Variants in PRKAR2B observed in about 807,000 individuals in gnomAD.
PRKAR2B encodes cAMP-dependent protein kinase type II-beta regulatory subunit.
In PRKAR2B, 14 loss-of-function variants were observed where a neutral mutation model predicts 49.9. The ratio of observed to expected loss-of-function variants is 0.28; its 90% confidence interval spans 0.19 to 0.44. The LOEUF (loss-of-function observed/expected upper bound fraction) is 0.44, where lower values mean the gene tolerates loss of function less well. Among genes scored for constraint, PRKAR2B ranks in the 20% least tolerant of loss-of-function variants. The probability of loss-of-function intolerance (pLI) is 1.00; values close to 1 mark genes in which losing one functional copy is unlikely to be tolerated. For synonymous variants in PRKAR2B, 196 were observed against 197.7 expected (o/e 0.99, Z 0.07); for missense variants, 393 against 537.9 (o/e 0.73, Z 2.67).
At chr7:107,133,052 GT>G (rs1416211764) in intron 4 of PRKAR2B, among the ~76,000 whole-genome samples, 1 of 152,138 alleles carries the variant, frequency 6.6e-6, no homozygotes. Flanking sequence ...TATTTCTTAA[GT>G]GAGTCAGAGC....
intron 5 of PRKAR2B, among the ~76,000 whole-genome samples, chr7:107,145,695 A>G (rs1201192539): frequency 4.6e-5 from 7 of 151,108 alleles, no homozygotes; most frequent in Non-Finnish European, 1.0e-4. Context: ...CTGGAATTAC[A>G]GATGTAAGTA....
chr7:107,084,491 A>G (rs541964290), intron 2 of PRKAR2B, among the ~76,000 whole-genome samples: 3 of 152,054 alleles, frequency 2.0e-5, no homozygotes, highest in African/African-American at 7.2e-5. Context: ...AAACTTATAC[A>G]TTTTTGGGAG....
chr7:107,086,386 C>T (rs904845989), intron 2 of PRKAR2B, among the ~76,000 whole-genome samples: 1 of 152,030 alleles, frequency 6.6e-6, no homozygotes, highest in African/African-American at 2.4e-5. Flanking sequence ...AAATACTTAA[C>T]CGATTTCTTA....
rs1014236277 is a variant in PRKAR2B, at chr7:107,097,649, A to G, written c.344-24303A>G. The stretch of plus-strand genomic sequence containing the variant: ...GCATGTTTTTGCAGTGGCTGGTACC[A>G]GTTGTTCCTTTCCATGTTTAGTGCT... On this transcript the variant is annotated intron_variant, in intron 2 of 10. Coordinates refer to ENST00000265717, the MANE Select transcript of PRKAR2B (RefSeq NM_002736.3). Among the ~76,000 whole-genome samples, 4 of 152,070 alleles carry G rather than the reference A, an allele frequency of 2.6e-5. No homozygotes were observed. The South Asian group carries it at 6.2e-4, about 24-fold the overall frequency.
At chr7:107,062,221 T>G (rs776358190) in intron 1 of PRKAR2B, among the ~76,000 whole-genome samples, 31 of 152,316 alleles carry the variant, frequency 2.0e-4, no homozygotes, top group Admixed American at 5.9e-4. Context: ...TGTAAACATA[T>G]GCTTTTATTC....
chr7:107,146,518 G>C, intron 6 of PRKAR2B, 57 bp downstream of exon 6: 1 of 1,535,108 alleles, frequency 6.5e-7, no homozygotes, highest in Non-Finnish European at 8.9e-7. Context: ...TGCTATGACG[G>C]TGTTACAAAT....
rs146012107 is a variant in PRKAR2B at position 107,149,934 on chromosome 7, T to C, written c.742-988T>C. ...TCTCTATGATGTGCATATTTCATGT[T>C]GCATGCCTGTATCAGAACATCTCAT... On this transcript the variant is annotated intron_variant, in intron 6 of 10. Transcript: ENST00000265717. Among the ~76,000 whole-genome samples the C allele has an allele frequency of 6.5e-3, 991 of 152,272 alleles. 15 individuals carry two copies. The highest frequency in any genetic ancestry group is 0.022 in the African/African-American group (925 of 41,568).
At chr7:107,135,955 A>G (rs993331394) in intron 4 of PRKAR2B, among the ~76,000 whole-genome samples, 9 of 152,324 alleles carry the variant, frequency 5.9e-5, no homozygotes, top group Middle Eastern at 3.4e-3. Flanking sequence ...ACAATAATCA[A>G]GACAGTATAG....
At chr7:107,096,068 A>C (rs1794830592) in intron 2 of PRKAR2B, among the ~76,000 whole-genome samples, 1 of 152,230 alleles carries the variant, frequency 6.6e-6, no homozygotes, top group Non-Finnish European at 1.5e-5. Flanking sequence ...GAATAGTTTC[A>C]GAAGGAATGG....
At chr7:107,148,912 T>A (rs1795939102) in intron 6 of PRKAR2B, among the ~76,000 whole-genome samples, 1 of 152,202 alleles carries the variant, frequency 6.6e-6, no homozygotes, top group Non-Finnish European at 1.5e-5. Context: ...TATGTCACAG[T>A]GGGTGTGAAG....
At chr7:107,124,306 C>A (rs1795445043) in intron 3 of PRKAR2B, among the ~76,000 whole-genome samples, 1 of 152,168 alleles carries the variant, frequency 6.6e-6, no homozygotes, top group African/African-American at 2.4e-5. Flanking sequence ...TGTTTCTCCA[C>A]AAAAATTTTT....
intron 6 of PRKAR2B, among the ~76,000 whole-genome samples, chr7:107,149,111 C>T (rs1302682257): frequency 6.6e-6 from 1 of 152,128 alleles, no homozygotes; most frequent in Non-Finnish European, 1.5e-5. Flanking sequence ...TTATTGAGCC[C>T]TACATGCAGA....
In PRKAR2B at chr7:107,160,898, T is replaced by C. The variant is rs973339738; in HGVS notation, c.*1316T>C. 4 of 152,208 alleles carry C rather than the reference T, an allele frequency of 2.6e-5. No individual in the cohort carries two copies. The highest frequency in any genetic ancestry group is 9.6e-5 in the African/African-American group (4 of 41,456). The allele number at this position is 152,208 out of a possible 1,614,324, so 9.4% of individuals were successfully genotyped here. On this transcript the variant is annotated 3_prime_UTR_variant, in exon 11 of 11. Coordinates refer to ENST00000265717, the MANE Select transcript of PRKAR2B (RefSeq NM_002736.3). ...TATATTCAACCAAAGCAATATACTC[T>C]TACATGATTTCTAGGCCCCATGACC...
rs1468546296 is a variant in PRKAR2B at position 107,098,129 on chromosome 7, C to T, written c.344-23823C>T. 2.0e-5 allele frequency among the ~76,000 whole-genome samples: 3 copies of T among 152,306 alleles called. No individual in the cohort carries two copies. In the East Asian group the frequency reaches 5.8e-4, roughly 29 times the overall value. ...TTTTCCAACTTGGTTCCTTTCTCCC[C>T]GTCACTTTCAGGTACAACAATCAGA... On this transcript the variant is annotated intron_variant, in intron 2 of 10. Transcript: ENST00000265717.
chr7:107,047,899 T>C (rs925600057), intron 1 of PRKAR2B, among the ~76,000 whole-genome samples: 2 of 152,230 alleles, frequency 1.3e-5, no homozygotes, highest in Non-Finnish European at 2.9e-5. Flanking sequence ...CATTCTGATA[T>C]CAATAGTTCC....
intron 2 of PRKAR2B, among the ~76,000 whole-genome samples, chr7:107,107,378 C>A (rs1795092401): frequency 6.6e-6 from 1 of 151,990 alleles, no homozygotes; most frequent in Admixed American, 6.5e-5. Flanking sequence ...CTTGGTTTCC[C>A]AATTTGTATT....
chr7:107,069,948 T>G (rs752950681), intron 1 of PRKAR2B: 29 of 173,684 alleles, frequency 1.7e-4, no homozygotes, highest in Non-Finnish European at 3.2e-4. Context: ...CACAAGTCTT[T>G]TATAGTACTT....
intron 3 of PRKAR2B, among the ~76,000 whole-genome samples, chr7:107,125,191 T>C (rs1795462269): frequency 6.6e-6 from 1 of 152,172 alleles, no homozygotes; most frequent in African/African-American, 2.4e-5. Flanking sequence ...GTTTAGAATA[T>C]AGACTCTGTA....
At position 107,161,017 on chromosome 7, in the gene PRKAR2B, G is replaced by C. The variant is rs1796189047; in HGVS notation, c.*1435G>C. On this transcript the variant is annotated 3_prime_UTR_variant, in exon 11 of 11. Transcript: ENST00000265717. The stretch of plus-strand genomic sequence containing the variant: ...GGTTTCAAATGAATATATATACATG[G>C]GTAAAATTACTCTGTGCTAGTGTAG... 1 of 152,026 alleles carries C rather than the reference G, an allele frequency of 6.6e-6. No individual in the cohort carries two copies. Among genetic ancestry groups the C allele is most frequent in the Admixed American group, 6.6e-5 (1 of 15,258 alleles). The allele number at this position is 152,026 out of a possible 1,614,324, so 9.4% of individuals were successfully genotyped here. A position where few individuals can be genotyped will look rare whatever the true frequency, so the allele number is the denominator to read the frequency against.
Sources: allele counts gnomAD v4.1 joint callset (sites outside exome capture counted in the v4.1 genomes callset), GRCh38; gene constraint gnomAD v4.1.1; transcripts MANE v1.5; gene names NCBI Gene and HGNC (gene_info 2026-07-23, HGNC 2026-07-21).